The following GRK5 variants were observed in gnomAD, a reference collection of about 807,000 sequenced individuals.
GRK5 encodes the protein G protein-coupled receptor kinase 5, also known as g protein-coupled receptor kinase GRK5.
A neutral mutation model predicts 78.4 loss-of-function variants in GRK5; 40 were observed. The observed-to-expected ratio is 0.51, with a 90% CI of 0.40 to 0.66. The LOEUF (loss-of-function observed/expected upper bound fraction) is 0.66, where lower values mean the gene tolerates loss of function less well. Among genes scored for constraint, GRK5 ranks in the 30% least tolerant of loss-of-function variants. GRK5 has a pLI of 0.00. For missense variants in GRK5, 598 were observed against 759.9 expected (o/e 0.79, Z 2.50); for synonymous variants, 289 against 296.8 (o/e 0.97, Z 0.27).
intron 1 of GRK5, among the ~76,000 whole-genome samples, chr10:119,312,466 C>A (rs1850376163): frequency 6.6e-6 from 1 of 152,180 alleles, no homozygotes; most frequent in African/African-American, 2.4e-5. Context: ...CCAATCCGGC[C>A]ACTGCCTGTT....
chr10:119,438,196 C>T (rs1478506589), intron 9 of GRK5, among the ~76,000 whole-genome samples: 7 of 152,210 alleles, frequency 4.6e-5, no homozygotes, highest in Admixed American at 6.5e-5. Flanking sequence ...TGGAGTGGGT[C>T]GCTACAGTCA....
At chr10:119,429,395 G>A (rs1015969404) in intron 6 of GRK5, among the ~76,000 whole-genome samples, 2 of 151,656 alleles carry the variant, frequency 1.3e-5, no homozygotes, top group African/African-American at 4.9e-5. Flanking sequence ...GCCCTGGTCG[G>A]GACTTTTGAG....
At position 119,457,178 on chromosome 10, in the gene GRK5, C is replaced by G. The variant is rs1001147157; in HGVS notation, c.*2111C>G. ...TTCAATGAAAAGAAGGACCATCATC[C>G]TAGGATGGTCACCAGCCCAAGCCAC... On this transcript the variant is annotated 3_prime_UTR_variant, in exon 16 of 16. Coordinates refer to ENST00000392870, the MANE Select transcript of GRK5 (RefSeq NM_005308.3). The G allele has an allele frequency of 1.3e-5, 2 of 152,070 alleles. No homozygotes were observed. Among genetic ancestry groups the G allele is most frequent in the Non-Finnish European group, 2.9e-5 (2 of 67,978 alleles). The allele number at this position is 152,070 out of a possible 1,614,324, so 9.4% of individuals were successfully genotyped here.
At chr10:119,347,944 A>G (rs897151259) in intron 2 of GRK5, among the ~76,000 whole-genome samples, 5 of 151,612 alleles carry the variant, frequency 3.3e-5, no homozygotes, top group Non-Finnish European at 4.4e-5. Context: ...TCCAGTGACC[A>G]CCCCCCAACC....
At chr10:119,362,469 A>G (rs1484134314) in intron 2 of GRK5, among the ~76,000 whole-genome samples, 1 of 152,252 alleles carries the variant, frequency 6.6e-6, no homozygotes, top group Non-Finnish European at 1.5e-5. Flanking sequence ...TGTTTTATGT[A>G]ATAGACAGCA....
In GRK5 at chr10:119,425,075, T is replaced by C; in HGVS notation, c.523T>C (p.Trp175Arg). The C allele has an allele frequency of 1.2e-6, 2 of 1,611,552 alleles. No individual in the cohort carries two copies. Among genetic ancestry groups the C allele is most frequent in the Non-Finnish European group, 1.7e-6 (2 of 1,177,656 alleles). The change falls in exon 6 of 16, where the codon TGG becomes CGG. Residue 175 changes from tryptophan to arginine, a missense_variant. Physicochemically the swap from Trp to Arg is moderately radical, Grantham distance 101 (BLOSUM62 -3). Coordinates refer to ENST00000392870, the MANE Select transcript of GRK5 (RefSeq NM_005308.3). ...MFFDRFLQWK[W>R]LERQPVTKNT... ...TTTTGACCGCTTTCTCCAGTGGAAG[T>C]GGTTGGAAAGGTGAGTCCACCACAC...
intron 4 of GRK5, among the ~76,000 whole-genome samples, chr10:119,417,323 C>G (rs1265170432): frequency 1.3e-5 from 2 of 152,236 alleles, no homozygotes; most frequent in Non-Finnish European, 2.9e-5. Flanking sequence ...CCTCCCCAGC[C>G]TGCCTCAGTG....
chr10:119,284,997 T>C (rs1849823173), intron 1 of GRK5, among the ~76,000 whole-genome samples: 1 of 152,194 alleles, frequency 6.6e-6, no homozygotes, highest in African/African-American at 2.4e-5. Flanking sequence ...CCAAGGGCTG[T>C]TGCAACACTC....
intron 9 of GRK5, among the ~76,000 whole-genome samples, chr10:119,437,758 C>T (rs1201805065): frequency 3.9e-5 from 6 of 152,132 alleles, no homozygotes; most frequent in East Asian, 1.9e-4. Context: ...TAGATACATA[C>T]AAGAGTTTTT....
chr10:119,239,697 A>G (rs1367365113), intron 1 of GRK5, among the ~76,000 whole-genome samples: 1 of 151,492 alleles, frequency 6.6e-6, no homozygotes, highest in African/African-American at 2.4e-5. Context: ...CCACCCCCTA[A>G]TAAGCCCCGG....
rs998654392 is a variant in GRK5 at position 119,444,034 on chromosome 10, TG to T, written c.1266+289del. 6.6e-5 allele frequency among the ~76,000 whole-genome samples: 10 copies of T among 151,786 alleles called. No individual in the cohort carries two copies. In the South Asian group the frequency reaches 1.9e-3, roughly 29 times the overall value. On this transcript the variant is annotated intron_variant, in intron 12 of 15. Coordinates refer to ENST00000392870, the MANE Select transcript of GRK5 (RefSeq NM_005308.3). The stretch of plus-strand genomic sequence containing the variant: ...GTGGAACACCCTCACATCCAGCCTG[TG>T]GGGGGGTCCACACAGGGCGGAGAAG...
In GRK5 at chr10:119,207,812, G is replaced by A; in HGVS notation, c.-106G>A. ...GGCAAGGCGGGCTGCTGGCTCCCCC[G>A]GCTCCGGCAGCAGCGGCGGCAGCCC... On this transcript the variant is annotated 5_prime_UTR_variant, in exon 1 of 16. Coordinates refer to ENST00000392870, the MANE Select transcript of GRK5 (RefSeq NM_005308.3). 1 of 1,110,306 alleles carries A rather than the reference G, an allele frequency of 9.0e-7. No homozygotes were observed. The highest frequency in any genetic ancestry group is 2.9e-5 in the East Asian group (1 of 34,428). 68.8% of individuals were successfully genotyped at this position (1,110,306 alleles called of 1,614,324 possible).
chr10:119,394,159 T>C (rs1430027129), intron 3 of GRK5, among the ~76,000 whole-genome samples: 1 of 72,954 alleles, frequency 1.4e-5, no homozygotes, highest in Non-Finnish European at 3.0e-5. Context: ...TGTGTCTGTG[T>C]GTGGGTTTGA....
At chr10:119,258,378 C>A (rs947170331) in intron 1 of GRK5, among the ~76,000 whole-genome samples, 1 of 152,218 alleles carries the variant, frequency 6.6e-6, no homozygotes, top group South Asian at 2.1e-4. Context: ...TGAATAAAGC[C>A]ACTATAAGCA....
At chr10:119,424,843 T>C (rs1432580189) in intron 5 of GRK5, 150 bp from the exon 6 acceptor site, 3 of 642,668 alleles carry the variant, frequency 4.7e-6, no homozygotes, top group East Asian at 2.8e-5. Flanking sequence ...CAACCCTCAG[T>C]AGAATGGCAG....
At chr10:119,210,804 A>T (rs74986956) in intron 1 of GRK5, among the ~76,000 whole-genome samples, 2,075 of 152,336 alleles carry the variant, frequency 0.014, 42 homozygotes, top group African/African-American at 0.048. Context: ...TTGAAGAAAG[A>T]CAGGCACACT....
chr10:119,395,468 C>T (rs777629567), intron 3 of GRK5, among the ~76,000 whole-genome samples: 5 of 152,154 alleles, frequency 3.3e-5, no homozygotes, highest in Non-Finnish European at 5.9e-5. Flanking sequence ...GGGAGGAGTT[C>T]GGGTCCGTCT....
chr10:119,394,837 G>A (rs572994951), intron 3 of GRK5, among the ~76,000 whole-genome samples: 55 of 151,834 alleles, frequency 3.6e-4, no homozygotes, highest in African/African-American at 1.3e-3. Context: ...CTGTGTCTGT[G>A]GGCACGTGTG....
At chr10:119,291,190 T>C (rs1849947993) in intron 1 of GRK5, among the ~76,000 whole-genome samples, 1 of 152,182 alleles carries the variant, frequency 6.6e-6, no homozygotes, top group Admixed American at 6.5e-5. Context: ...ATGATCTTCA[T>C]GTTTCGTGTA....
Sources: allele counts gnomAD v4.1 joint callset (sites outside exome capture counted in the v4.1 genomes callset), GRCh38; gene constraint gnomAD v4.1.1; transcripts MANE v1.5; gene names NCBI Gene and HGNC (gene_info 2026-07-23, HGNC 2026-07-21).